MAST4: variants seen among roughly 807,000 people sequenced by gnomAD.
MAST4 encodes the protein microtubule associated serine/threonine kinase family member 4.
MAST4 carries 89 observed loss-of-function variants against 162.7 expected under a neutral mutation model. The ratio of observed to expected loss-of-function variants is 0.55; its 90% CI spans 0.46 to 0.65. The LOEUF is 0.65. Ranked by LOEUF, MAST4 falls within the 30% of genes least tolerant of loss-of-function variation. The pLI is 0.00. For missense variants in MAST4, 3,153 were observed against 3,374.0 expected, an observed-to-expected ratio of 0.93 and a Z score of 1.62; for synonymous variants, 1,479 against 1,361.1, an observed-to-expected ratio of 1.09 and a Z score of -1.91.
intron 5 of MAST4, among the ~76,000 whole-genome samples, chr5:67,078,799 T>TA (rs1762050081): frequency 1.5e-5 from 2 of 130,178 alleles, no homozygotes; most frequent in South Asian, 2.2e-4. Flanking sequence ...TCTAAATATA[T>TA]TTATTTATAT....
intron 1 of MAST4, among the ~76,000 whole-genome samples, chr5:66,751,966 C>A (rs905615128): frequency 7.3e-5 from 11 of 151,368 alleles, no homozygotes; most frequent in Non-Finnish European, 1.3e-4. Flanking sequence ...CCCTACAAGC[C>A]AGAAGAGAGT....
At chr5:66,861,029 C>T (rs1051291699) in intron 3 of MAST4, among the ~76,000 whole-genome samples, 1 of 152,118 alleles carries the variant, frequency 6.6e-6, no homozygotes, top group Non-Finnish European at 1.5e-5. Context: ...GGAGTTACTG[C>T]TCAGTTATTT....
chr5:66,818,780 C>T (rs1437850772), intron 3 of MAST4, among the ~76,000 whole-genome samples: 2 of 152,182 alleles, frequency 1.3e-5, no homozygotes, highest in Non-Finnish European at 2.9e-5. Context: ...AGGAACATGG[C>T]GGCCACCTGG....
chr5:66,707,213 G>A (rs1750191029), intron 1 of MAST4, among the ~76,000 whole-genome samples: 1 of 152,318 alleles, frequency 6.6e-6, no homozygotes, highest in Non-Finnish European at 1.5e-5. Flanking sequence ...GCTAGAAGAT[G>A]TTGCCCTTTT....
At chr5:66,910,729 G>GTTTTTTTTTTTTTT (rs796681892) in intron 4 of MAST4, among the ~76,000 whole-genome samples, 2 of 112,804 alleles carry the variant, frequency 1.8e-5, no homozygotes, top group African/African-American at 7.2e-5. Flanking sequence ...TACACATGTG[G>GTTTTTTTTTTTTTT]TTTTTTTTTT....
chr5:66,678,831 G>A lies in MAST4; in HGVS notation c.364-80878G>A, dbSNP rs568094674. On this transcript the variant is annotated intron_variant, in intron 1 of 28. Coordinates refer to ENST00000403625, the MANE Select transcript of MAST4 (RefSeq NM_001164664.2). The stretch of plus-strand genomic sequence containing the variant: ...TTTTGAGACGGAGGCTCACTCTGTC[G>A]CCCAGGCTAGAGTGCAGTGGCATGA... 2.7e-3 allele frequency among the ~76,000 whole-genome samples: 405 copies of A among 147,456 alleles called. 5 individuals are homozygous for A. Among genetic ancestry groups the A allele is most frequent in the Middle Eastern group, 0.015 (4 of 270 alleles).
intron 22 of MAST4, 144 bp from the exon 23 acceptor site, chr5:67,145,000 G>C: frequency 1.1e-6 from 1 of 885,516 alleles, no homozygotes; most frequent in South Asian, 1.8e-5. Context: ...TGCTGCTGTG[G>C]GTACCACACA....
chr5:66,615,897 C>T (rs779983483), intron 1 of MAST4, among the ~76,000 whole-genome samples: 43 of 152,190 alleles, frequency 2.8e-4, no homozygotes, highest in Non-Finnish European at 5.0e-4. Flanking sequence ...CTCCCATTTG[C>T]CTGCCCTCAG....
intron 3 of MAST4, among the ~76,000 whole-genome samples, chr5:66,872,421 C>T (rs898226177): frequency 6.6e-5 from 10 of 152,180 alleles, no homozygotes; most frequent in East Asian, 1.9e-4. Context: ...CCACCTGCCT[C>T]GGCCTCCCAA....
chr5:66,682,012 CGT>C (rs1748363223), intron 1 of MAST4, among the ~76,000 whole-genome samples: 1 of 152,224 alleles, frequency 6.6e-6, no homozygotes, highest in Middle Eastern at 3.4e-3. Flanking sequence ...GACAGTCTAT[CGT>C]GTGTGTGTGC....
intron 4 of MAST4, among the ~76,000 whole-genome samples, chr5:67,022,415 A>G (rs1237588287): frequency 2.0e-5 from 3 of 151,904 alleles, no homozygotes; most frequent in Non-Finnish European, 2.9e-5. Flanking sequence ...CTCTACCAAA[A>G]AAAAAAAATG....
chr5:67,049,027 A>ATATATATATACGTG (rs1561576276), intron 4 of MAST4, among the ~76,000 whole-genome samples: 2 of 84,032 alleles, frequency 2.4e-5, no homozygotes, highest in African/African-American at 4.8e-5. Flanking sequence ...ATATACGTAT[A>ATATATATATACGTG]TATATATATA....
chr5:67,020,858 C>T (rs1753886063), intron 4 of MAST4, among the ~76,000 whole-genome samples: 2 of 152,130 alleles, frequency 1.3e-5, no homozygotes, highest in Non-Finnish European at 2.9e-5. Flanking sequence ...CTGGCCACTG[C>T]CTGGTTTTGT....
chr5:67,141,212 G>A (rs1351234801), intron 19 of MAST4, among the ~76,000 whole-genome samples: 3 of 152,218 alleles, frequency 2.0e-5, no homozygotes, highest in African/African-American at 7.2e-5. Flanking sequence ...CTTGCACCTA[G>A]CAGAGATCTT....
chr5:67,034,568 T>C (rs1375905640), intron 4 of MAST4, among the ~76,000 whole-genome samples: 1 of 152,144 alleles, frequency 6.6e-6, no homozygotes, highest in Non-Finnish European at 1.5e-5. Flanking sequence ...ATTCAGTCCA[T>C]CTCACTAACC....
chr5:67,123,945 C>T (rs966645717), intron 14 of MAST4, among the ~76,000 whole-genome samples: 4 of 63,600 alleles, frequency 6.3e-5, no homozygotes, highest in Non-Finnish European at 1.0e-4. Flanking sequence ...TTTCCTCTGG[C>T]ACACACACAC....
chr5:66,840,374 A>T (rs759208241), intron 3 of MAST4, among the ~76,000 whole-genome samples: 2 of 152,018 alleles, frequency 1.3e-5, no homozygotes, highest in Non-Finnish European at 2.9e-5. Context: ...GATTGATTTG[A>T]CTCTATTTTT....
At chr5:66,853,679 A>G (rs1759474393) in intron 3 of MAST4, among the ~76,000 whole-genome samples, 1 of 152,208 alleles carries the variant, frequency 6.6e-6, no homozygotes, top group Non-Finnish European at 1.5e-5. Flanking sequence ...TTTGGACATA[A>G]AGTTTTTCAA....
intron 13 of MAST4, among the ~76,000 whole-genome samples, chr5:67,119,769 G>A (rs1767355225): frequency 6.6e-6 from 1 of 152,092 alleles, no homozygotes; most frequent in Admixed American, 6.5e-5. Flanking sequence ...GGCACTCAGA[G>A]GGAGAGTTTC....
Sources: gnomAD v4.1 joint callset for allele counts (sites outside exome capture counted in the v4.1 genomes callset) on GRCh38, gnomAD v4.1.1 for gene constraint, MANE v1.5 for transcripts, NCBI Gene and HGNC (gene_info 2026-07-23, HGNC 2026-07-21) for gene names.